Variants in AUTS2 observed in about 807,000 individuals in gnomAD.
The protein encoded by AUTS2 is activator of transcription and developmental regulator AUTS2, also known as autism susceptibility gene 2 protein.
In AUTS2, 17 loss-of-function variants were observed where a neutral mutation model predicts 112.4. The ratio of observed to expected loss-of-function variants is 0.15; its 90% CI spans 0.10 to 0.23. The LOEUF (loss-of-function observed/expected upper bound fraction) is 0.23. AUTS2 is among the 10% of genes least tolerant of loss of function. AUTS2 has a pLI of 1.00. For missense variants in AUTS2, 1,510 were observed against 1,701.6 expected (o/e 0.89, Z 1.98); for synonymous variants, 751 against 702.7 (o/e 1.07, Z -1.09).
chr7:69,629,840 C>T (rs200543842), intron 1 of AUTS2, among the ~76,000 whole-genome samples: 8 of 141,510 alleles, frequency 5.7e-5, no homozygotes, highest in African/African-American at 2.1e-4. Flanking sequence ...AAGGAATGAA[C>T]AACCTCAGTG....
At chr7:70,557,026 C>A (rs781731159) in intron 5 of AUTS2, among the ~76,000 whole-genome samples, 23 of 152,354 alleles carry the variant, frequency 1.5e-4, no homozygotes, top group Admixed American at 3.3e-4. Flanking sequence ...ACTTCTCACA[C>A]TGCCACTGTG....
chr7:70,519,032 A>G (rs1351163309), intron 5 of AUTS2, among the ~76,000 whole-genome samples: 1 of 152,124 alleles, frequency 6.6e-6, no homozygotes, highest in Non-Finnish European at 1.5e-5. Flanking sequence ...TCACCCATGT[A>G]GTTACTGCTT....
chr7:70,220,629 C>G (rs1009974469), intron 4 of AUTS2, among the ~76,000 whole-genome samples: 1 of 152,098 alleles, frequency 6.6e-6, no homozygotes, highest in Non-Finnish European at 1.5e-5. Flanking sequence ...CATGACCTGG[C>G]TAGCTACGGA....
intron 1 of AUTS2, among the ~76,000 whole-genome samples, chr7:69,868,110 A>G (rs964798901): frequency 3.9e-5 from 6 of 152,166 alleles, no homozygotes; most frequent in South Asian, 2.1e-4. Context: ...AATATTCCCA[A>G]TGCTTTCCTT....
intron 2 of AUTS2, among the ~76,000 whole-genome samples, chr7:69,918,581 C>T (rs2129542582): frequency 6.6e-6 from 1 of 152,258 alleles, no homozygotes; most frequent in Middle Eastern, 3.4e-3. Flanking sequence ...TTTCTGTTAC[C>T]AGTAAATTGT....
At chr7:70,494,485 A>C (rs1798370467) in intron 5 of AUTS2, among the ~76,000 whole-genome samples, 1 of 152,074 alleles carries the variant, frequency 6.6e-6, no homozygotes, top group African/African-American at 2.4e-5. Context: ...CGGGAGCCAT[A>C]ATTGCAATGA....
At chr7:70,508,575 A>G (rs1045714231) in intron 5 of AUTS2, among the ~76,000 whole-genome samples, 1 of 152,088 alleles carries the variant, frequency 6.6e-6, no homozygotes, top group African/African-American at 2.4e-5. Context: ...TGAATCTCCA[A>G]CTCCAACAAT....
At chr7:69,700,634 C>T (rs1267306968) in intron 1 of AUTS2, among the ~76,000 whole-genome samples, 1 of 151,992 alleles carries the variant, frequency 6.6e-6, no homozygotes, top group Non-Finnish European at 1.5e-5. Context: ...AATTCAGAGC[C>T]CATCTTCCAT....
chr7:70,008,078 C>T (rs998293746), intron 2 of AUTS2, among the ~76,000 whole-genome samples: 1 of 152,088 alleles, frequency 6.6e-6, no homozygotes, highest in South Asian at 2.1e-4. Flanking sequence ...TTTTTGTATA[C>T]AAAATCATCA....
Position 70,771,653 on chromosome 7 carries a change from C to A in AUTS2, c.1830+9C>A, listed in dbSNP as rs1300795352. 1 of 1,611,512 alleles carries A rather than the reference C, an allele frequency of 6.2e-7. No homozygotes were observed. The highest frequency in any genetic ancestry group is 1.7e-5 in the Admixed American group (1 of 60,002). On this transcript the variant is annotated intron_variant, in intron 11 of 18. Transcript: ENST00000342771. ...GAGCATTTCAGCCGAAGGTAAGAAA[C>A]CTCACAGTGAAAACACACAGGCATG...
chr7:70,688,845 GCAC>G (rs1335620098), intron 5 of AUTS2, among the ~76,000 whole-genome samples: 1 of 152,124 alleles, frequency 6.6e-6, no homozygotes, highest in Non-Finnish European at 1.5e-5. Flanking sequence ...ACATGCTTCT[GCAC>G]CAGTAAGACA....
At chr7:69,900,732 A>G (rs61230075) in intron 2 of AUTS2, among the ~76,000 whole-genome samples, 1 of 152,300 alleles carries the variant, frequency 6.6e-6, no homozygotes, top group East Asian at 1.9e-4. Flanking sequence ...TAATCCTGGT[A>G]AAACATCTGG....
chr7:70,257,056 A>G (rs1786912397), intron 4 of AUTS2, among the ~76,000 whole-genome samples: 1 of 152,238 alleles, frequency 6.6e-6, no homozygotes, highest in Non-Finnish European at 1.5e-5. Context: ...TTTTAAGCAT[A>G]GTCCTTACAT....
intron 6 of AUTS2, among the ~76,000 whole-genome samples, chr7:70,714,375 A>G (rs1000373313): frequency 1.3e-5 from 2 of 152,140 alleles, no homozygotes; most frequent in African/African-American, 2.4e-5. Context: ...CTCAGACTTC[A>G]TATCATTTTA....
chr7:69,741,911 C>T (rs1787281641), intron 1 of AUTS2, among the ~76,000 whole-genome samples: 1 of 151,852 alleles, frequency 6.6e-6, no homozygotes, highest in Admixed American at 6.6e-5. Context: ...TTAAGTGATC[C>T]TCCCCACTTA....
intron 1 of AUTS2, among the ~76,000 whole-genome samples, chr7:69,604,643 T>C (rs539514896): frequency 2.0e-5 from 3 of 152,248 alleles, no homozygotes; most frequent in South Asian, 4.1e-4. Context: ...AAAGGAATAA[T>C]GAAGGCACAG....
intron 2 of AUTS2, among the ~76,000 whole-genome samples, chr7:70,043,161 A>G (rs1323254169): frequency 6.6e-6 from 1 of 152,186 alleles, no homozygotes; most frequent in East Asian, 1.9e-4. Flanking sequence ...GAAATTATCA[A>G]TGACCTCTGA....
At chr7:70,511,558 T>TGTC (rs1289425617) in intron 5 of AUTS2, among the ~76,000 whole-genome samples, 1 of 129,266 alleles carries the variant, frequency 7.7e-6, no homozygotes, top group Non-Finnish European at 1.6e-5. Context: ...TTTTTTTCAT[T>TGTC]TTCTTTTTTT....
intron 2 of AUTS2, among the ~76,000 whole-genome samples, chr7:70,113,624 T>C (rs1805202904): frequency 6.6e-6 from 1 of 152,188 alleles, no homozygotes; most frequent in South Asian, 2.1e-4. Flanking sequence ...GGAATCAAAT[T>C]TGTGGAAGGA....
Sources: allele counts gnomAD v4.1 joint callset (sites outside exome capture counted in the v4.1 genomes callset), GRCh38; gene constraint gnomAD v4.1.1; transcripts MANE v1.5; gene names NCBI Gene and HGNC (gene_info 2026-07-23, HGNC 2026-07-21).